Variants in PTDSS2 observed in about 807,000 individuals in gnomAD.
PTDSS2 encodes PSS-2.
PTDSS2 carries 41 observed loss-of-function variants against 64.7 expected under a neutral mutation model. That is an observed-to-expected ratio of 0.63 (90% CI 0.49 to 0.82). PTDSS2 has a LOEUF of 0.82. PTDSS2 is among the 40% of genes least tolerant of loss of function. The pLI is 0.00. For missense variants in PTDSS2, 485 were observed against 650.0 expected (o/e 0.75, Z 2.76); for synonymous variants, 297 against 277.8 (o/e 1.07, Z -0.69).
chr11:451,910 GGGGCCCTC>G (rs1846347963), intron 1 of PTDSS2, among the ~76,000 whole-genome samples: 2 of 152,166 alleles, frequency 1.3e-5, no homozygotes, highest in South Asian at 4.1e-4. Context: ...GGGTGGCTGC[GGGGCCCTC>G]GGGAGGGAGA....
chr11:461,398 C>T lies in PTDSS2; in HGVS notation c.284+1110C>T, dbSNP rs1014584822. 6.6e-6 allele frequency among the ~76,000 whole-genome samples: 1 copy of T among 152,168 alleles called. No individual in the cohort carries two copies. The highest frequency in any genetic ancestry group is 2.4e-5 in the African/African-American group (1 of 41,432). The stretch of plus-strand genomic sequence containing the variant: ...CTTTAGAATCACGCACAGCAGACCT[C>T]ATAACTGAGTCCATCTCCCTGGGGG... On this transcript the variant is annotated intron_variant, in intron 2 of 11. Coordinates refer to ENST00000308020, the MANE Select transcript of PTDSS2 (RefSeq NM_030783.3). The surrounding 1 kb of genome is among the most constrained non-coding windows in gnomAD (Gnocchi z 4.2).
rs1366513672 is a variant in PTDSS2 at position 490,084 on chromosome 11, G to A, written c.1301+16G>A. ...TCTTCCTGCGGTGAGTCAGGGCAGG[G>A]CGCGTATGTTCTGAAGGAGGGCCGC... On this transcript the variant is annotated intron_variant, in intron 11 of 11. Coordinates refer to ENST00000308020, the MANE Select transcript of PTDSS2 (RefSeq NM_030783.3). 1.3e-6 allele frequency: 2 copies of A among 1,594,556 alleles called. No homozygotes were observed. Among genetic ancestry groups the A allele is most frequent in the East Asian group, 2.2e-5 (1 of 44,668 alleles).
At chr11:474,054 G>A (rs1480156416) in intron 3 of PTDSS2, 77 bp downstream of exon 3, 20 of 1,209,034 alleles carry the variant, frequency 1.7e-5, no homozygotes, top group Non-Finnish European at 2.2e-5. Context: ...TGTGCTGCTG[G>A]GTGTGAGTGT....
intron 2 of PTDSS2, among the ~76,000 whole-genome samples, chr11:465,749 G>A (rs113799214): frequency 0.031 from 4,524 of 143,688 alleles, 252 homozygotes; most frequent in African/African-American, 0.12. Context: ...ACATAGTGAG[G>A]ACCACCCCCC....
chr11:472,006 G>GACGCGGATGGCGGCCTGGGGTGAT (rs1847478763), intron 2 of PTDSS2, among the ~76,000 whole-genome samples: 3 of 144,250 alleles, frequency 2.1e-5, no homozygotes, highest in African/African-American at 7.8e-5. Flanking sequence ...GGCCTGGGGT[G>GACGCGGATGGCGGCCTGGGGTGAT]ACGCGGATGG....
At chr11:448,576 C>T (rs1226892155), upstream of PTDSS2, among the ~76,000 whole-genome samples, 1 of 152,192 alleles carries the variant, frequency 6.6e-6, no homozygotes, top group Non-Finnish European at 1.5e-5. Context: ...GCGGCCAGGG[C>T]CTGGGGCAGG....
intron 2 of PTDSS2, among the ~76,000 whole-genome samples, chr11:467,689 C>A (rs34083507): frequency 0.092 from 13,944 of 152,040 alleles, 877 homozygotes; most frequent in Admixed American, 0.17. Flanking sequence ...GCCGAGATCG[C>A]AACATTGCAC....
In PTDSS2 at chr11:476,828, C is replaced by G. The variant is rs73387808; in HGVS notation, c.368-2257C>G. Among the ~76,000 whole-genome samples the G allele has an allele frequency of 6.6e-6, 1 of 152,128 alleles. No homozygotes were observed. The highest frequency in any genetic ancestry group is 2.4e-5 in the African/African-American group (1 of 41,408). ...AGCTCTGCTCTACCTTTCTTCTGTC[C>G]GTTTAGTTTGCTTGGCATAAATTCC... On this transcript the variant is annotated intron_variant, in intron 3 of 11. Coordinates refer to ENST00000308020, the MANE Select transcript of PTDSS2 (RefSeq NM_030783.3). The surrounding 1 kb of genome is among the most constrained non-coding windows in gnomAD (Gnocchi z 4.9).
intron 2 of PTDSS2, among the ~76,000 whole-genome samples, chr11:471,599 G>T (rs1847437287): frequency 6.6e-6 from 1 of 150,420 alleles, no homozygotes; most frequent in Non-Finnish European, 1.5e-5. Flanking sequence ...GACACGGATG[G>T]TGGCCTGGGA....
In PTDSS2 at chr11:461,279, C is replaced by T. The variant is rs147566471; in HGVS notation, c.284+991C>T. Among the ~76,000 whole-genome samples the T allele has an allele frequency of 3.6e-4, 55 of 152,328 alleles. No homozygotes were observed. Among genetic ancestry groups the T allele is most frequent in the Middle Eastern group, 3.4e-3 (1 of 294 alleles). On this transcript the variant is annotated intron_variant, in intron 2 of 11. Transcript: ENST00000308020. This position sits in a 1 kb window ranked among gnomAD's most constrained non-coding sequence, Gnocchi z 4.2. The stretch of plus-strand genomic sequence containing the variant: ...GTGAACGTCATCACGCTTGCACGGG[C>T]GTTGGTGGCCCTGTTTGCCCACTGA...
chr11:487,658 C>T (rs1030116502), intron 6 of PTDSS2, among the ~76,000 whole-genome samples, 188 bp downstream of exon 6: 1 of 152,122 alleles, frequency 6.6e-6, no homozygotes, highest in African/African-American at 2.4e-5. Context: ...TGATCCTGGT[C>T]GGGTCCCCGC....
chr11:481,326 T>C (rs958232380), intron 4 of PTDSS2, among the ~76,000 whole-genome samples: 9 of 152,230 alleles, frequency 5.9e-5, no homozygotes, highest in African/African-American at 1.2e-4. Context: ...TGGTTTTGAA[T>C]CATCTGGGTC....
At position 460,374 on chromosome 11, in the gene PTDSS2, G is replaced by T; in HGVS notation, c.284+86G>T. 9.0e-7 allele frequency: 1 copy of T among 1,105,004 alleles called. No homozygotes were observed. Among genetic ancestry groups the T allele is most frequent in the Non-Finnish European group, 1.4e-6 (1 of 737,954 alleles). The allele number at this position is 1,105,004 out of a possible 1,614,324, so 68.4% of individuals were successfully genotyped here. On this transcript the variant is annotated intron_variant, in intron 2 of 11. Transcript: ENST00000308020. The surrounding 1 kb of genome is among the most constrained non-coding windows in gnomAD (Gnocchi z 5.8). ...CACCCTTACTGCTCGGGCTGCCGGGGGCTCAGAAGGCCTTCACCAGAGGGC... is the reference window on the plus strand; with the variant it reads ...CACCCTTACTGCTCGGGCTGCCGGGTGCTCAGAAGGCCTTCACCAGAGGGC...
In PTDSS2 at chr11:473,995, T is replaced by A. The variant is rs1353911612; in HGVS notation, c.367+18T>A. 6.3e-7 allele frequency: 1 copy of A among 1,591,800 alleles called. No homozygotes were observed. The highest frequency in any genetic ancestry group is 1.7e-5 in the Admixed American group (1 of 59,998). On this transcript the variant is annotated intron_variant, in intron 3 of 11. Coordinates refer to ENST00000308020, the MANE Select transcript of PTDSS2 (RefSeq NM_030783.3). Reference sequence around the variant, plus strand: ...TCATCCAGGTAACTTGCCATTTCCTTTTCCGTGTGCCCCTGTGGCATTTCT... The same window carrying A: ...TCATCCAGGTAACTTGCCATTTCCTATTCCGTGTGCCCCTGTGGCATTTCT...
intron 4 of PTDSS2, among the ~76,000 whole-genome samples, chr11:486,724 T>G (rs948291940): frequency 3.3e-5 from 5 of 151,874 alleles, no homozygotes; most frequent in African/African-American, 1.2e-4. Flanking sequence ...GGCGGGCGCC[T>G]GTAGTCCCAG....
At position 490,512 on chromosome 11, in the gene PTDSS2, C is replaced by T; in HGVS notation, c.1394C>T (p.Pro465Leu). ...ACCGTCGGCAACGGGGACCAGCACC[C>T]ACTGGGGCTGGACGAAGACCTGCTG... ...GSTVGNGDQH[P>L]LGLDEDLLGP... The change falls in exon 12 of 12, where the codon CCA becomes CTA. Residue 465 changes from proline (P) to leucine (L), a missense_variant. Coordinates refer to ENST00000308020, the MANE Select transcript of PTDSS2 (RefSeq NM_030783.3). 1.2e-6 allele frequency: 2 copies of T among 1,612,960 alleles called. No individual in the cohort carries two copies. The highest frequency in any genetic ancestry group is 1.1e-5 in the South Asian group (1 of 91,062).
In PTDSS2 at chr11:479,248, G is replaced by A. The variant is rs765976280; in HGVS notation, c.435+96G>A. ...GAGGCCTTGCCCACACAGCCCTCGA[G>A]TGATGGGAGGAAGCAGGGCTAGACC... is the stretch of plus-strand genomic sequence containing the variant. On this transcript the variant is annotated intron_variant, in intron 4 of 11. Transcript: ENST00000308020. The surrounding 1 kb of genome is among the most constrained non-coding windows in gnomAD (Gnocchi z 4.2). The A allele has an allele frequency of 7.8e-4, 770 of 991,038 alleles. 1 individual carries two copies. Among genetic ancestry groups the A allele is most frequent in the Non-Finnish European group, 1.2e-3 (712 of 616,698 alleles). The allele number at this position is 991,038 out of a possible 1,614,324, so 61.4% of individuals were successfully genotyped here.
rs1257609460 is a variant in PTDSS2, at chr11:462,481, CT to C, written c.284+2194del. ...CTCCCAACTCACATTCTCTTTCCCC[CT>C]CACCCTCTTTGAGGGCACAAAAGAA... On this transcript the variant is annotated intron_variant, in intron 2 of 11. Coordinates refer to ENST00000308020, the MANE Select transcript of PTDSS2 (RefSeq NM_030783.3). This position sits in a 1 kb window ranked among gnomAD's most constrained non-coding sequence, Gnocchi z 4.5. 1.3e-5 allele frequency among the ~76,000 whole-genome samples: 2 copies of C among 152,356 alleles called. No individual in the cohort carries two copies. The highest frequency in any genetic ancestry group is 2.4e-5 in the African/African-American group (1 of 41,578).
chr11:489,096 G>A (rs992511961), intron 8 of PTDSS2, among the ~76,000 whole-genome samples: 4 of 152,366 alleles, frequency 2.6e-5, no homozygotes, highest in African/African-American at 7.2e-5. Context: ...TCACGGCACC[G>A]TGGAGCGCCC....
Sources: allele counts gnomAD v4.1 joint callset (sites outside exome capture counted in the v4.1 genomes callset), GRCh38; gene constraint gnomAD v4.1.1; non-coding constraint Gnocchi (gnomAD v3.1); transcripts MANE v1.5; gene names NCBI Gene and HGNC (gene_info 2026-07-23, HGNC 2026-07-21).